JUP: variants seen among roughly 807,000 people sequenced by gnomAD.
JUP encodes catenin (cadherin-associated protein), gamma 80kDa.
Under a neutral mutation model 71.1 loss-of-function variants are expected in JUP, and 28 were observed. That is an observed-to-expected ratio of 0.39 (90% confidence interval 0.29 to 0.54). JUP has a LOEUF of 0.54. JUP is among the 20% of genes least tolerant of loss of function. The probability of loss-of-function intolerance (pLI) is 0.62; values close to 1 mark genes in which losing one functional copy is unlikely to be tolerated. For synonymous variants in JUP, 401 were observed against 438.9 expected (o/e 0.91, Z 1.08); for missense variants, 869 against 1,030.1 (o/e 0.84, Z 2.14).
chr17:41,781,280 G>A (rs556208548), intron 1 of JUP, among the ~76,000 whole-genome samples: 2 of 151,770 alleles, frequency 1.3e-5, no homozygotes, highest in Admixed American at 6.6e-5. Context: ...ACCTGAACCC[G>A]GGAGATGGAG....
chr17:41,769,635 C>G lies in JUP; in HGVS notation c.251G>C (p.Arg84Pro). 1 of 1,607,052 alleles carries G rather than the reference C, an allele frequency of 6.2e-7. No homozygotes were observed. The highest frequency in any genetic ancestry group is 8.5e-7 in the Non-Finnish European group (1 of 1,177,624). ...YQMSTTARAKRVREAMCPGVS... is the reference protein window; with the variant it reads ...YQMSTTARAKPVREAMCPGVS... ...ACCAGGGCACATGGCCTCCCGCACC[C>G]GTTTGGCCCTGGCTGTTGTGGACAT... is the stretch of plus-strand genomic sequence containing the variant. Residue 84 changes from arginine (R) to proline (P), a missense_variant, in exon 3 of 14, where the codon CGG becomes CCG. Arg to Pro is a moderately radical substitution (Grantham distance 103). Coordinates refer to ENST00000393931, the MANE Select transcript of JUP (RefSeq NM_002230.4).
chr17:41,775,891 A>G, intron 1 of JUP: 1 of 809,724 alleles, frequency 1.2e-6, no homozygotes, highest in Non-Finnish European at 1.5e-6. Flanking sequence ...CAGCCAACCC[A>G]GAGGGCTGGC....
chr17:41,760,295 G>A (rs1212589770), intron 8 of JUP, among the ~76,000 whole-genome samples: 7 of 149,526 alleles, frequency 4.7e-5, no homozygotes, highest in African/African-American at 9.8e-5. Context: ...TCGCTCTGTC[G>A]CCCAGGCTGG....
intron 1 of JUP, among the ~76,000 whole-genome samples, chr17:41,783,230 C>T (rs1244762683): frequency 2.0e-5 from 3 of 151,596 alleles, no homozygotes; most frequent in South Asian, 2.1e-4. Flanking sequence ...GGGGAAATTA[C>T]TTAAGTTCCT....
rs782234334 is a variant in JUP, at chr17:41,758,766, G to A, written c.1602C>T (p.Ala534=). The stretch of plus-strand genomic sequence containing the variant: ...CTACGTGGCGCTGGGCATCCTGGTG[G>A]GCCTTCACCAGCAGTTGGACGAGGC... ...IPRLVQLLVK[A]HQDAQRHVAA... The change falls in exon 9 of 14, where the codon GCC becomes GCT. Residue 534 remains alanine (A), a synonymous_variant. Transcript: ENST00000393931. 2.5e-6 allele frequency: 4 copies of A among 1,609,580 alleles called. No homozygotes were observed. The South Asian group carries it at 3.3e-5, about 13-fold the overall frequency.
chr17:41,758,352 T>C, intron 10 of JUP, 47 bp downstream of exon 10: 1 of 1,610,984 alleles, frequency 6.2e-7, no homozygotes, highest in Non-Finnish European at 8.5e-7. Context: ...CCTTGCCCTT[T>C]AAGCAGTGGT....
chr17:41,767,593 G>GGGGGGGGGGGC lies in JUP; in HGVS notation c.708-14_708-13insGCCCCCCCCCC. ...CTCCACAGGGGAGCTGGGGGGGTGG[G>GGGGGGGGGGGC]CAGGGGTTAGTACGCTGAGGTCCCA... is the stretch of plus-strand genomic sequence containing the variant. On this transcript the variant is annotated splice_polypyrimidine_tract_variant and intron_variant, in intron 4 of 13. Coordinates refer to ENST00000393931, the MANE Select transcript of JUP (RefSeq NM_002230.4). 3 of 1,267,512 alleles carry GGGGGGGGGGGC rather than the reference G, an allele frequency of 2.4e-6. No individual in the cohort carries two copies. Among genetic ancestry groups the GGGGGGGGGGGC allele is most frequent in the Non-Finnish European group, 3.4e-6 (3 of 873,094 alleles). 78.5% of individuals were successfully genotyped at this position (1,267,512 alleles called of 1,614,324 possible). A position where few individuals can be genotyped will look rare whatever the true frequency, so the allele number is the denominator to read the frequency against.
intron 1 of JUP, among the ~76,000 whole-genome samples, chr17:41,785,457 C>CA (rs1416951862): frequency 1.3e-5 from 2 of 152,116 alleles, no homozygotes; most frequent in Non-Finnish European, 2.9e-5. Context: ...TTCCACCCCC[C>CA]ACCCCGGCCC....
intron 1 of JUP, among the ~76,000 whole-genome samples, chr17:41,784,078 GC>G (rs1351937707): frequency 1.3e-5 from 2 of 152,074 alleles, no homozygotes; most frequent in Non-Finnish European, 2.9e-5. Flanking sequence ...CTCAGTTCAA[GC>G]CCAAAGCCCT....
chr17:41,766,048 C>T (rs1915660109), intron 5 of JUP, among the ~76,000 whole-genome samples: 2 of 152,048 alleles, frequency 1.3e-5, no homozygotes, highest in Admixed American at 1.3e-4. Context: ...TGAGGGTAGC[C>T]TGGGCAACAG....
At chr17:41,760,649 C>G (rs1484691021) in intron 8 of JUP, among the ~76,000 whole-genome samples, 2 of 152,198 alleles carry the variant, frequency 1.3e-5, no homozygotes, top group African/African-American at 4.8e-5. Context: ...CAACCTCTGC[C>G]TTCCGGGTTC....
intron 1 of JUP, among the ~76,000 whole-genome samples, chr17:41,775,332 C>G (rs115602123): frequency 3.3e-5 from 5 of 152,150 alleles, no homozygotes; most frequent in Non-Finnish European, 7.4e-5. Context: ...GAAGGGGTCA[C>G]GGGAGCTATT....
chr17:41,755,196 A>G lies in JUP; in HGVS notation c.*548T>C, dbSNP rs910518979. 2 of 398,452 alleles carry G rather than the reference A, an allele frequency of 5.0e-6. No individual in the cohort carries two copies. The highest frequency in any genetic ancestry group is 8.8e-6 in the Non-Finnish European group (2 of 226,374). The allele number at this position is 398,452 out of a possible 1,614,324, so 24.7% of individuals were successfully genotyped here. Reference sequence around the variant, plus strand: ...GTTGCTGGGGGAAAACAGAATGGGTACTTGAGTCTGAAGCTTTAGTGGCCA... The same window carrying G: ...GTTGCTGGGGGAAAACAGAATGGGTGCTTGAGTCTGAAGCTTTAGTGGCCA... On this transcript the variant is annotated 3_prime_UTR_variant, in exon 14 of 14. Coordinates refer to ENST00000393931, the MANE Select transcript of JUP (RefSeq NM_002230.4).
chr17:41,767,556 GA>G lies in JUP; in HGVS notation c.731del (p.Phe244SerfsTer61). Reference protein sequence around the residue: ...MLSSPVESVLFYAITTLHNLL... With the variant: ...MLSSPVESVLXYAITTLHNLL... ...GGTTGTGCAGCGTGGTGATGGCATA[GA>G]ACAGGACCGACTCCACAGGGGAGCT... On this transcript the variant is annotated frameshift_variant, in exon 5 of 14. Coordinates refer to ENST00000393931, the MANE Select transcript of JUP (RefSeq NM_002230.4). LOFTEE classifies it high-confidence loss of function. The G allele has an allele frequency of 1.5e-6, 2 of 1,315,480 alleles. No homozygotes were observed. The highest frequency in any genetic ancestry group is 2.1e-6 in the Non-Finnish European group (2 of 956,694). 81.5% of individuals were successfully genotyped at this position (1,315,480 alleles called of 1,614,324 possible).
At chr17:41,781,747 G>A (rs1555610323) in intron 1 of JUP, among the ~76,000 whole-genome samples, 1 of 152,194 alleles carries the variant, frequency 6.6e-6, no homozygotes, top group Non-Finnish European at 1.5e-5. Context: ...CTGCCGCACA[G>A]GATGGCCCTC....
intron 1 of JUP, among the ~76,000 whole-genome samples, chr17:41,776,920 CACTTGA>C (rs566529101): frequency 6.6e-6 from 1 of 152,158 alleles, no homozygotes; most frequent in Non-Finnish European, 1.5e-5. Context: ...GCAGGCGAAT[CACTTGA>C]ACCTGGGAGG....
rs782160032 is a variant in JUP at position 41,758,513 on chromosome 17, A to G, written c.1659T>C (p.Gly553=). 1.2e-6 allele frequency: 2 copies of G among 1,610,474 alleles called. No homozygotes were observed. Among genetic ancestry groups the G allele is most frequent in the South Asian group, 2.2e-5 (2 of 90,960 alleles). Residue 553 remains glycine, a synonymous_variant, in exon 10 of 14, where the codon GGT becomes GGC. Transcript: ENST00000393931. ...CCTCCACAATCTCCTCCATCCTCAC[A>G]CCATCCTGTGTGAGAGGAGGCAGGG... ...AAGTQQPYTD[G]VRMEEIVEGC...
At position 41,757,646 on chromosome 17, in the gene JUP, T is replaced by G. The variant is rs782658008; in HGVS notation, c.1912A>C (p.Asn638His). Residue 638 changes from asparagine to histidine, a missense_variant, in exon 11 of 14, where the codon AAC (asparagine) becomes CAC (histidine). Transcript: ENST00000393931. ...APLMELLHSR[N>H]EGTATYAAAV... ...TCCCCCAGCTCACCAGTGCCCTCGT[T>G]GCGGGAGTGCAGCAACTCCATGAGT... is the stretch of plus-strand genomic sequence containing the variant. 1.4e-4 allele frequency: 218 copies of G among 1,613,588 alleles called. No individual in the cohort carries two copies. Among genetic ancestry groups the G allele is most frequent in the Non-Finnish European group, 1.8e-4 (211 of 1,179,832 alleles).
intron 13 of JUP, 38 bp downstream of exon 13, chr17:41,756,137 G>A: frequency 6.2e-7 from 1 of 1,604,614 alleles, no homozygotes; most frequent in Middle Eastern, 1.7e-4. Context: ...CAGCCGCCCA[G>A]GATCTCCAGG....
Sources: allele counts gnomAD v4.1 joint callset (sites outside exome capture counted in the v4.1 genomes callset), GRCh38; gene constraint gnomAD v4.1.1; transcripts MANE v1.5; gene names NCBI Gene and HGNC (gene_info 2026-07-23, HGNC 2026-07-21).